The following MLXIP variants were observed in gnomAD, a reference collection of about 807,000 sequenced individuals.
The protein encoded by MLXIP is MLX-interacting protein.
In MLXIP, 30 loss-of-function variants were observed where a neutral mutation model predicts 87.2. The observed-to-expected ratio is 0.34, with a 90% CI of 0.26 to 0.47. MLXIP has a LOEUF of 0.47. MLXIP is among the 20% of genes least tolerant of loss of function. MLXIP has a pLI of 1.00. For synonymous variants in MLXIP, 530 were observed against 514.0 expected (o/e 1.03, Z -0.42); for missense variants, 1,002 against 1,240.1 (o/e 0.81, Z 2.88).
chr12:122,080,184 G>C (rs1172086444), intron 1 of MLXIP, among the ~76,000 whole-genome samples: 1 of 152,078 alleles, frequency 6.6e-6, no homozygotes, highest in African/African-American at 2.4e-5. Flanking sequence ...TTTTGTCTGC[G>C]CAACAGAACT....
At chr12:122,085,680 T>A (rs757931956) in intron 1 of MLXIP, among the ~76,000 whole-genome samples, 2 of 152,182 alleles carry the variant, frequency 1.3e-5, no homozygotes, top group Non-Finnish European at 2.9e-5. Flanking sequence ...TGAATTGTGT[T>A]TATCTTGAGC....
chr12:122,134,027 A>G, intron 9 of MLXIP, 40 bp downstream of exon 9: 3 of 1,536,388 alleles, frequency 2.0e-6, no homozygotes, highest in South Asian at 1.2e-5. Flanking sequence ...GCTCCCCCCG[A>G]CCCAGAGGGA....
At chr12:122,127,819 G>A (rs1952904790) in intron 2 of MLXIP, 64 bp from the exon 3 acceptor site, 1 of 1,366,472 alleles carries the variant, frequency 7.3e-7, no homozygotes, top group Non-Finnish European at 1.0e-6. Flanking sequence ...GGGTGCAGCA[G>A]ACAGGCTGGG....
intron 1 of MLXIP, among the ~76,000 whole-genome samples, chr12:122,079,545 A>G (rs1952061779): frequency 6.6e-6 from 1 of 152,182 alleles, no homozygotes; most frequent in Non-Finnish European, 1.5e-5. Context: ...TGGACGAGGA[A>G]GAGGTATAAA....
chr12:122,141,744 C>G lies in MLXIP; in HGVS notation c.2692C>G (p.Pro898Ala), dbSNP rs911408492. The change falls in exon 17 of 17, where the codon CCG (proline) becomes GCG (alanine). Residue 898 changes from proline (P) to alanine (A), a missense_variant. Physicochemically the swap from Pro to Ala is conservative, Grantham distance 27. Coordinates refer to ENST00000319080, the MANE Select transcript of MLXIP (RefSeq NM_014938.6). ...CACCTCCACCTCCATCCTCACAGAC[C>G]CGGCACAGCTGCCAGAGCAGGCGTC... Reference protein sequence around the residue: ...LSTSTSILTDPAQLPEQASKA... With the variant: ...LSTSTSILTDAAQLPEQASKA... 4 of 1,613,740 alleles carry G rather than the reference C, an allele frequency of 2.5e-6. No individual in the cohort carries two copies. Among genetic ancestry groups the G allele is most frequent in the African/African-American group, 2.7e-5 (2 of 74,942 alleles).
At position 122,121,009 on chromosome 12, in the gene MLXIP, G is replaced by GTTTTTTTTTTTTTT. The variant is rs776332981; in HGVS notation, c.414-6247_414-6246insTTTTTTTTTTTTTT. 1.1e-4 allele frequency among the ~76,000 whole-genome samples: 11 copies of GTTTTTTTTTTTTTT among 102,168 alleles called. 1 individual carries two copies. The highest frequency in any genetic ancestry group is 6.3e-4 in the East Asian group (2 of 3,154). 67.0% of individuals were successfully genotyped at this position (102,168 alleles called of 152,430 possible). Reference sequence around the variant, plus strand: ...TAGCCCCAGAGCCCTCTGCATGCTTGGTTTTTTTTTTTTTTTTTTGAAACG... The same window carrying GTTTTTTTTTTTTTT: ...TAGCCCCAGAGCCCTCTGCATGCTTGTTTTTTTTTTTTTTGTTTTTTTTTTTTTTTTTTGAAACG... On this transcript the variant is annotated intron_variant, in intron 1 of 16. Coordinates refer to ENST00000319080, the MANE Select transcript of MLXIP (RefSeq NM_014938.6).
In MLXIP at chr12:122,135,151, G is replaced by A; in HGVS notation, c.1733-73G>A. On this transcript the variant is annotated intron_variant, in intron 9 of 16. Transcript: ENST00000319080. The surrounding 1 kb of genome is among the most constrained non-coding windows in gnomAD (Gnocchi z 5.3). ...GAGAACAAGCTGTCTCACTGGCAGAGAGGCAGCCTCTGCAGGGTGGGCCAG... is the reference window on the plus strand; with the variant it reads ...GAGAACAAGCTGTCTCACTGGCAGAAAGGCAGCCTCTGCAGGGTGGGCCAG... The A allele has an allele frequency of 6.3e-7, 1 of 1,574,970 alleles. No homozygotes were observed. The highest frequency in any genetic ancestry group is 1.3e-5 in the African/African-American group (1 of 74,158).
intron 1 of MLXIP, among the ~76,000 whole-genome samples, chr12:122,096,658 A>T (rs1952356461): frequency 6.6e-6 from 1 of 152,184 alleles, no homozygotes; most frequent in South Asian, 2.1e-4. Context: ...ACATTTGTCC[A>T]GCAGCCTGCT....
intron 1 of MLXIP, among the ~76,000 whole-genome samples, chr12:122,124,718 T>C (rs1480848186): frequency 6.6e-6 from 1 of 151,850 alleles, no homozygotes; most frequent in Non-Finnish European, 1.5e-5. Flanking sequence ...CTCATAAAAA[T>C]CAAAACAATT....
intron 1 of MLXIP, among the ~76,000 whole-genome samples, chr12:122,080,813 GC>G (rs1280453279): frequency 1.3e-5 from 2 of 152,252 alleles, no homozygotes; most frequent in Non-Finnish European, 2.9e-5. Context: ...CTGGATCGCA[GC>G]ATATGCTATG....
chr12:122,109,998 C>T (rs186968211), intron 1 of MLXIP, among the ~76,000 whole-genome samples: 68 of 152,280 alleles, frequency 4.5e-4, no homozygotes, highest in African/African-American at 1.4e-3. Flanking sequence ...GTGACCCCAA[C>T]GCATCCCTGC....
At position 122,138,212 on chromosome 12, in the gene MLXIP, A is replaced by C. The variant is rs759572978; in HGVS notation, c.2173A>C (p.Ile725Leu). The C allele has an allele frequency of 6.2e-7, 1 of 1,607,250 alleles. No individual in the cohort carries two copies. Among genetic ancestry groups the C allele is most frequent in the Admixed American group, 1.7e-5 (1 of 58,970 alleles). Reference sequence around the variant, plus strand: ...CCAGCAGAACCGGCAGATGAAGCACATCTCAGCTGAGCAGAAAAGGCGCTT... The same window carrying C: ...CCAGCAGAACCGGCAGATGAAGCACCTCTCAGCTGAGCAGAAAAGGCGCTT... ...AALKNRQMKH[I>L]SAEQKRRFNI... The change falls in exon 13 of 17, where the codon ATC becomes CTC. Residue 725 changes from isoleucine to leucine, a missense_variant. Coordinates refer to ENST00000319080, the MANE Select transcript of MLXIP (RefSeq NM_014938.6).
chr12:122,129,905 T>G (rs1463417098), intron 5 of MLXIP, 36 bp from the exon 6 acceptor site: 1 of 1,585,520 alleles, frequency 6.3e-7, no homozygotes, highest in Non-Finnish European at 8.6e-7. Flanking sequence ...ACTGTTACTC[T>G]TTGATGCTTC....
At position 122,121,010 on chromosome 12, in the gene MLXIP, G is replaced by GTTTTTTTTTTGTTTTTTTT. The variant is rs1952772165; in HGVS notation, c.414-6236_414-6235insGTTTTTTTTTTTTTTTTTT. Among the ~76,000 whole-genome samples the GTTTTTTTTTTGTTTTTTTT allele has an allele frequency of 9.8e-5, 11 of 111,908 alleles. 1 individual carries two copies. The highest frequency in any genetic ancestry group is 4.0e-4 in the African/African-American group (11 of 27,404). 73.4% of individuals were successfully genotyped at this position (111,908 alleles called of 152,430 possible). A position where few individuals can be genotyped will look rare whatever the true frequency, so the allele number is the denominator to read the frequency against. Reference sequence around the variant, plus strand: ...AGCCCCAGAGCCCTCTGCATGCTTGGTTTTTTTTTTTTTTTTTTGAAACGG... The same window carrying GTTTTTTTTTTGTTTTTTTT: ...AGCCCCAGAGCCCTCTGCATGCTTGGTTTTTTTTTTGTTTTTTTTTTTTTTTTTTTTTTTTTTGAAACGG... On this transcript the variant is annotated intron_variant, in intron 1 of 16. Coordinates refer to ENST00000319080, the MANE Select transcript of MLXIP (RefSeq NM_014938.6).
In MLXIP at chr12:122,131,013, A is replaced by G; in HGVS notation, c.1000+80A>G. 9.5e-6 allele frequency: 9 copies of G among 950,504 alleles called. No individual in the cohort carries two copies. In the South Asian group the frequency reaches 1.3e-4, roughly 13 times the overall value. The allele number at this position is 950,504 out of a possible 1,614,324, so 58.9% of individuals were successfully genotyped here. A position where few individuals can be genotyped will look rare whatever the true frequency, so the allele number is the denominator to read the frequency against. On this transcript the variant is annotated intron_variant, in intron 7 of 16. Coordinates refer to ENST00000319080, the MANE Select transcript of MLXIP (RefSeq NM_014938.6). The stretch of plus-strand genomic sequence containing the variant: ...CAGAGCAGATCGCTGCCTTCCTTTA[A>G]GAGGCGAGACTTGGTAGAATGGGCA...
chr12:122,137,947 G>A lies in MLXIP; in HGVS notation c.2155-247G>A, dbSNP rs551811085. Among the ~76,000 whole-genome samples, 2 of 152,306 alleles carry A rather than the reference G, an allele frequency of 1.3e-5. No individual in the cohort carries two copies. The highest frequency in any genetic ancestry group is 6.5e-5 in the Admixed American group (1 of 15,304). ...GGAAGGCGGAGCTTGCAGCACCTGG[G>A]ATGCACCGGTTCAGCCCTGCCGTTC... On this transcript the variant is annotated intron_variant, in intron 12 of 16. Coordinates refer to ENST00000319080, the MANE Select transcript of MLXIP (RefSeq NM_014938.6). This position sits in a 1 kb window ranked among gnomAD's most constrained non-coding sequence, Gnocchi z 4.1.
chr12:122,129,597 C>T lies in MLXIP; in HGVS notation c.706C>T (p.His236Tyr), dbSNP rs757554254. The change falls in exon 5 of 17, where the codon CAC becomes TAC. Residue 236 changes from histidine (H) to tyrosine (Y), a missense_variant. By Grantham distance (83) the His-to-Tyr change is moderately conservative. Transcript: ENST00000319080. The part of the protein sequence containing the change: ...RTYFKKRLQQ[H>Y]KDEDLSSLVQ... The stretch of plus-strand genomic sequence containing the variant: ...GTCCCTTTGCCCACAGCTACAGCAG[C>T]ACAAGGATGAGGACCTCTCCAGCCT... 1.9e-6 allele frequency: 3 copies of T among 1,613,650 alleles called. No individual in the cohort carries two copies. Among genetic ancestry groups the T allele is most frequent in the South Asian group, 2.2e-5 (2 of 91,000 alleles).
In MLXIP at chr12:122,144,537, T is replaced by A. The variant is rs1267999061; in HGVS notation, c.*2725T>A. 1 of 151,782 alleles carries A rather than the reference T, an allele frequency of 6.6e-6. No homozygotes were observed. Among genetic ancestry groups the A allele is most frequent in the Non-Finnish European group, 1.5e-5 (1 of 68,020 alleles). 9.4% of individuals were successfully genotyped at this position (151,782 alleles called of 1,614,324 possible). A position where few individuals can be genotyped will look rare whatever the true frequency, so the allele number is the denominator to read the frequency against. ...GCCTAGAAGTTGCAGTGAGCTATGA[T>A]CATGCCACACTGTACTCCAGCCTGG... On this transcript the variant is annotated 3_prime_UTR_variant, in exon 17 of 17. Coordinates refer to ENST00000319080, the MANE Select transcript of MLXIP (RefSeq NM_014938.6).
intron 1 of MLXIP, among the ~76,000 whole-genome samples, chr12:122,111,296 A>G (rs898694061): frequency 6.6e-6 from 1 of 152,178 alleles, no homozygotes; most frequent in African/African-American, 2.4e-5. Context: ...ATCTGTTTTT[A>G]TTACATCTCT....
Sources: allele counts gnomAD v4.1 joint callset (sites outside exome capture counted in the v4.1 genomes callset), GRCh38; gene constraint gnomAD v4.1.1; non-coding constraint Gnocchi (gnomAD v3.1); transcripts MANE v1.5; gene names NCBI Gene and HGNC (gene_info 2026-07-23, HGNC 2026-07-21).